The following MARCHF4 variants were observed in gnomAD, a reference collection of about 807,000 sequenced individuals.
MARCHF4 encodes the protein membrane associated ring-CH-type finger 4.
Under a neutral mutation model 43.9 loss-of-function variants are expected in MARCHF4, and 14 were observed. The ratio of observed to expected loss-of-function variants is 0.32; its 90% CI spans 0.21 to 0.50. The LOEUF is 0.50. MARCHF4 is among the 20% of genes least tolerant of loss of function. MARCHF4 has a pLI of 0.98. For synonymous variants in MARCHF4, 226 were observed against 213.3 expected (o/e 1.06, Z -0.52); for missense variants, 468 against 536.7 (o/e 0.87, Z 1.27).
intron 3 of MARCHF4, among the ~76,000 whole-genome samples, chr2:216,270,511 T>G (rs879311353): frequency 4.6e-5 from 7 of 152,082 alleles, no homozygotes; most frequent in Non-Finnish European, 8.8e-5. Flanking sequence ...ATAAAAGGCC[T>G]CTCCCTCTTT....
chr2:216,280,288 A>C (rs1488708295), intron 2 of MARCHF4, among the ~76,000 whole-genome samples: 1 of 151,988 alleles, frequency 6.6e-6, no homozygotes, highest in Non-Finnish European at 1.5e-5. Context: ...AGGTTTCTCC[A>C]TACCCTGAAC....
Position 216,263,517 on chromosome 2 carries a change from G to GAGAA in MARCHF4, c.866-3839_866-3838insTTCT, listed in dbSNP as rs1553591490. 5.4e-3 allele frequency among the ~76,000 whole-genome samples: 523 copies of GAGAA among 97,292 alleles called. 3 individuals are homozygous for GAGAA. The highest frequency in any genetic ancestry group is 9.7e-3 in the African/African-American group (348 of 36,000). The allele number at this position is 97,292 out of a possible 152,430, so 63.8% of individuals were successfully genotyped here. ...AAAGAGAGAGAGAGAGAGAGAGAGA[G>GAGAA]AGAGAGAGAGAGAGAGAGAGAAAGA... On this transcript the variant is annotated intron_variant, in intron 3 of 3. Coordinates refer to ENST00000273067, the MANE Select transcript of MARCHF4 (RefSeq NM_020814.3).
At chr2:216,303,080 T>C (rs1691519575) in intron 1 of MARCHF4, among the ~76,000 whole-genome samples, 1 of 152,128 alleles carries the variant, frequency 6.6e-6, no homozygotes, top group Non-Finnish European at 1.5e-5. Context: ...TAAAACATCC[T>C]GGTTTAAGCT....
intron 1 of MARCHF4, among the ~76,000 whole-genome samples, chr2:216,302,345 A>G (rs559363412): frequency 6.6e-6 from 1 of 150,712 alleles, no homozygotes; most frequent in Admixed American, 6.6e-5. Flanking sequence ...CAGCCTCCCA[A>G]GTAGCTGGGA....
At chr2:216,298,256 G>GTTTTTTTTTTTTTTTTTTTTTTTTTTTT (rs559410456) in intron 1 of MARCHF4, among the ~76,000 whole-genome samples, 1 of 66,764 alleles carries the variant, frequency 1.5e-5, no homozygotes, top group Non-Finnish European at 2.7e-5. Context: ...AGTCTTTTAG[G>GTTTTTTTTTTTTTTTTTTTTTTTTTTTT]TTTTTTTTTT....
intron 1 of MARCHF4, among the ~76,000 whole-genome samples, chr2:216,297,196 G>C (rs1691410502): frequency 6.6e-6 from 1 of 152,142 alleles, no homozygotes; most frequent in African/African-American, 2.4e-5. Flanking sequence ...TTTATTTTCT[G>C]TTTCAAAGAA....
chr2:216,268,864 G>C (rs1025461673), intron 3 of MARCHF4, among the ~76,000 whole-genome samples: 1 of 152,158 alleles, frequency 6.6e-6, no homozygotes, highest in African/African-American at 2.4e-5. Context: ...TGTAGTTAAC[G>C]TGGGTTAAAA....
intron 3 of MARCHF4, among the ~76,000 whole-genome samples, chr2:216,272,235 C>T (rs368197149): frequency 2.6e-5 from 4 of 152,124 alleles, no homozygotes; most frequent in Non-Finnish European, 4.4e-5. Context: ...ACCTGAAGAA[C>T]CTTTCACCAG....
chr2:216,274,068 G>T (rs1690984161), intron 3 of MARCHF4, among the ~76,000 whole-genome samples: 1 of 152,240 alleles, frequency 6.6e-6, no homozygotes, highest in South Asian at 2.1e-4. Context: ...GGGGATGCCT[G>T]CTGGGAGCCT....
At chr2:216,358,239 G>A (rs1692529668) in intron 1 of MARCHF4, among the ~76,000 whole-genome samples, 1 of 152,146 alleles carries the variant, frequency 6.6e-6, no homozygotes. Context: ...CTACTGCACA[G>A]TAACAATGGG....
chr2:216,354,936 TTTCTTTC>T (rs1692468611), intron 1 of MARCHF4, among the ~76,000 whole-genome samples: 2 of 138,072 alleles, frequency 1.4e-5, no homozygotes, highest in African/African-American at 5.6e-5. Flanking sequence ...TCTTTCTTTC[TTTCTTTC>T]TTTCTTTCTT....
In MARCHF4 at chr2:216,327,672, C is replaced by T. The variant is rs547328879; in HGVS notation, c.516+42073G>A. Reference sequence around the variant, plus strand: ...AATAACCACTAATGTTGATATAATGCTTTAGCAAGAGCCATGAAATGAGAT... The same window carrying T: ...AATAACCACTAATGTTGATATAATGTTTTAGCAAGAGCCATGAAATGAGAT... On this transcript the variant is annotated intron_variant, in intron 1 of 3. Transcript: ENST00000273067. 2.6e-5 allele frequency among the ~76,000 whole-genome samples: 4 copies of T among 152,248 alleles called. No homozygotes were observed. In the South Asian group the frequency reaches 6.2e-4, roughly 24 times the overall value.
intron 1 of MARCHF4, among the ~76,000 whole-genome samples, chr2:216,333,218 T>G (rs1692107580): frequency 6.6e-6 from 1 of 152,208 alleles, no homozygotes; most frequent in South Asian, 2.1e-4. Context: ...AGCCCCAGAA[T>G]AGAAGAAGAT....
At position 216,369,829 on chromosome 2, in the gene MARCHF4, G is replaced by C. The variant is rs374936017; in HGVS notation, c.432C>G (p.Thr144=). The change falls in exon 1 of 4, where the codon ACC becomes ACG. Residue 144 remains threonine, a synonymous_variant. Transcript: ENST00000273067. The part of the protein sequence containing the change: ...ASSDDFCKEK[T]EDRYSLGSSL... ...TGCTGCCCAGTGAGTAGCGATCCTC[G>C]GTCTTCTCCTTACAGAAGTCATCTG... 1 of 1,613,820 alleles carries C rather than the reference G, an allele frequency of 6.2e-7. No homozygotes were observed. Among genetic ancestry groups the C allele is most frequent in the East Asian group, 2.2e-5 (1 of 44,888 alleles).
chr2:216,316,928 C>T (rs1691786869), intron 1 of MARCHF4, among the ~76,000 whole-genome samples: 1 of 152,124 alleles, frequency 6.6e-6, no homozygotes, highest in Non-Finnish European at 1.5e-5. Flanking sequence ...TTTTGCTCAA[C>T]AGGAGTGGCT....
intron 1 of MARCHF4, among the ~76,000 whole-genome samples, chr2:216,326,404 C>G (rs9711676): frequency 0.38 from 52,766 of 139,234 alleles, 10,244 homozygotes; most frequent in East Asian, 0.64. Context: ...TCAGTGTGGC[C>G]ATTCCTCAGG....
chr2:216,307,735 C>G (rs1691612869), intron 1 of MARCHF4, among the ~76,000 whole-genome samples: 1 of 152,088 alleles, frequency 6.6e-6, no homozygotes, highest in Non-Finnish European at 1.5e-5. Flanking sequence ...ACTTGTTGAG[C>G]AGGGTAAGGG....
intron 3 of MARCHF4, among the ~76,000 whole-genome samples, chr2:216,263,445 G>GAGAGAGAGAGAGAAAGAA (rs1468072491): frequency 3.1e-4 from 45 of 143,664 alleles, no homozygotes; most frequent in Admixed American, 1.9e-3. Context: ...AAGAGAGAGA[G>GAGAGAGAGAGAGAAAGAA]AGAGAGAGAG....
At position 216,330,706 on chromosome 2, in the gene MARCHF4, CA is replaced by C. The variant is rs571344574; in HGVS notation, c.516+39038del. 2.5e-3 allele frequency among the ~76,000 whole-genome samples: 373 copies of C among 151,906 alleles called. 2 individuals are homozygous for C. The highest frequency in any genetic ancestry group is 8.5e-3 in the African/African-American group (354 of 41,454). On this transcript the variant is annotated intron_variant, in intron 1 of 3. Coordinates refer to ENST00000273067, the MANE Select transcript of MARCHF4 (RefSeq NM_020814.3). ...GTTAACTTAAACTAGAAATCAATAA[CA>C]AAAAAACCCTAAAATATCACCGAAT...
Sources: allele counts gnomAD v4.1 joint callset (sites outside exome capture counted in the v4.1 genomes callset), GRCh38; gene constraint gnomAD v4.1.1; transcripts MANE v1.5; gene names NCBI Gene and HGNC (gene_info 2026-07-23, HGNC 2026-07-21).